The following CSMD1 variants were observed in gnomAD, a reference collection of about 807,000 sequenced individuals.
The protein encoded by CSMD1 is CUB and sushi domain-containing protein 1.
A neutral mutation model predicts 417.5 loss-of-function variants in CSMD1; 213 were observed. The ratio of observed to expected loss-of-function variants is 0.51; its 90% CI spans 0.46 to 0.57. CSMD1 has a LOEUF of 0.57. Ranked by LOEUF, CSMD1 falls within the 20% of genes least tolerant of loss-of-function variation. The probability of loss-of-function intolerance (pLI) is 0.00; values close to 1 mark genes in which losing one functional copy is unlikely to be tolerated. For synonymous variants in CSMD1, 2,862 were observed against 1,736.8 expected (o/e 1.65, Z -16.11); for missense variants, 6,923 against 4,529.7 (o/e 1.53, Z -15.17).
intron 3 of CSMD1, among the ~76,000 whole-genome samples, chr8:4,197,836 G>A (rs187936623): frequency 6.6e-6 from 1 of 152,280 alleles, no homozygotes; most frequent in Non-Finnish European, 1.5e-5. Context: ...CCAAGATAAT[G>A]CTACCACACT....
chr8:4,937,348 G>A (rs931217553), intron 1 of CSMD1, among the ~76,000 whole-genome samples: 2 of 152,180 alleles, frequency 1.3e-5, no homozygotes, highest in East Asian at 1.9e-4. Flanking sequence ...GTAAAATAGT[G>A]AAAGCACACC....
At chr8:4,294,557 G>A (rs901809652) in intron 3 of CSMD1, among the ~76,000 whole-genome samples, 2 of 152,070 alleles carry the variant, frequency 1.3e-5, no homozygotes, top group Non-Finnish European at 2.9e-5. Flanking sequence ...CTTGTCCATG[G>A]TGCCATGTTA....
At chr8:4,401,264 G>A (rs1804627149) in intron 3 of CSMD1, among the ~76,000 whole-genome samples, 1 of 152,076 alleles carries the variant, frequency 6.6e-6, no homozygotes, top group Non-Finnish European at 1.5e-5. Flanking sequence ...TTAGATATAT[G>A]TCTTGAAACC....
At chr8:4,180,451 T>C (rs1207821318) in intron 3 of CSMD1, among the ~76,000 whole-genome samples, 2 of 141,124 alleles carry the variant, frequency 1.4e-5, no homozygotes, top group Non-Finnish European at 1.5e-5. Context: ...GGGGGAGGGA[T>C]AGCATTAGGA....
chr8:4,755,510 T>A (rs1295403790), intron 1 of CSMD1, among the ~76,000 whole-genome samples: 1 of 152,196 alleles, frequency 6.6e-6, no homozygotes, highest in East Asian at 1.9e-4. Context: ...AAAATTGATG[T>A]TTCCTGCTTT....
intron 3 of CSMD1, among the ~76,000 whole-genome samples, chr8:4,142,235 T>G (rs73178335): frequency 0.3 from 45,255 of 150,978 alleles, 8,449 homozygotes; most frequent in Non-Finnish European, 0.39. Flanking sequence ...ATAGTGATAC[T>G]TAATTTACTA....
intron 49 of CSMD1, among the ~76,000 whole-genome samples, chr8:3,055,322 G>A (rs1186548770): frequency 2.6e-5 from 4 of 152,074 alleles, no homozygotes; most frequent in African/African-American, 7.2e-5. Context: ...ATCAACAACC[G>A]GGAATCTTTT....
chr8:4,332,471 A>C (rs1442885172), intron 3 of CSMD1, among the ~76,000 whole-genome samples: 3 of 151,822 alleles, frequency 2.0e-5, no homozygotes, highest in Non-Finnish European at 4.4e-5. Context: ...TGTCTCTCCA[A>C]CTGAGCACCT....
intron 1 of CSMD1, among the ~76,000 whole-genome samples, chr8:4,764,791 T>G (rs1812333903): frequency 1.4e-5 from 2 of 144,044 alleles, no homozygotes; most frequent in South Asian, 2.2e-4. Flanking sequence ...GAGAATGGTG[T>G]GAACCCAGGA....
chr8:3,397,738 C>G (rs1307248932), intron 16 of CSMD1, among the ~76,000 whole-genome samples: 1 of 152,168 alleles, frequency 6.6e-6, no homozygotes, highest in African/African-American at 2.4e-5. Context: ...ACAGTGAGGA[C>G]TGACAAAGTG....
At chr8:3,250,838 T>C (rs1039353479) in intron 26 of CSMD1, among the ~76,000 whole-genome samples, 7 of 152,240 alleles carry the variant, frequency 4.6e-5, no homozygotes, top group Admixed American at 6.5e-5. Flanking sequence ...TTTTCATGTG[T>C]CTGTTGGCTG....
chr8:3,138,313 C>T (rs184079535), intron 41 of CSMD1, among the ~76,000 whole-genome samples: 6,609 of 152,262 alleles, frequency 0.043, 182 homozygotes, highest in Non-Finnish European at 0.066. Flanking sequence ...GGGAACTCTA[C>T]TCCTGTAGAT....
At chr8:3,690,735 TGA>T (rs1466822262) in intron 7 of CSMD1, among the ~76,000 whole-genome samples, 1 of 152,222 alleles carries the variant, frequency 6.6e-6, no homozygotes, top group Non-Finnish European at 1.5e-5. Flanking sequence ...CAGTTTGTAC[TGA>T]GATACTCTTA....
intron 3 of CSMD1, among the ~76,000 whole-genome samples, chr8:4,215,212 A>G (rs1800591051): frequency 6.6e-6 from 1 of 152,122 alleles, no homozygotes; most frequent in African/African-American, 2.4e-5. Flanking sequence ...ACCAGCTGCG[A>G]CCTCTAGGTA....
At chr8:3,927,547 C>A (rs550650078) in intron 5 of CSMD1, among the ~76,000 whole-genome samples, 1 of 151,980 alleles carries the variant, frequency 6.6e-6, no homozygotes, top group Non-Finnish European at 1.5e-5. Flanking sequence ...TCACTGTAAT[C>A]CCAGCTACTA....
At chr8:4,787,596 CAATTGAATGGGTTTGCAGAAGAATAGCA>C (rs1159393413) in intron 1 of CSMD1, 1 of 1,540,094 alleles carries the variant, frequency 6.5e-7, no homozygotes, top group East Asian at 2.3e-5. Context: ...GAAATGATTC[CAATTGAATGGGTTTGCAGAAGAATAGCA>C]ACTGGTTCTT....
At chr8:4,400,283 G>C (rs1804558179) in intron 3 of CSMD1, among the ~76,000 whole-genome samples, 1 of 152,180 alleles carries the variant, frequency 6.6e-6, no homozygotes, top group Non-Finnish European at 1.5e-5. Context: ...AAATAAGTAA[G>C]ATACTAGCAA....
chr8:3,848,160 G>C (rs925535752), intron 5 of CSMD1, among the ~76,000 whole-genome samples: 6 of 152,002 alleles, frequency 3.9e-5, no homozygotes, highest in African/African-American at 1.2e-4. Flanking sequence ...TGGTGGATGA[G>C]AAGTTGGCAT....
At chr8:3,420,151 C>A (rs544154732) in intron 12 of CSMD1, among the ~76,000 whole-genome samples, 1 of 152,154 alleles carries the variant, frequency 6.6e-6, no homozygotes, top group African/African-American at 2.4e-5. Context: ...AAAAGCCAAG[C>A]TAAGTCCTCA....
Sources: allele counts gnomAD v4.1 joint callset (sites outside exome capture counted in the v4.1 genomes callset), GRCh38; gene constraint gnomAD v4.1.1; transcripts MANE v1.5; gene names NCBI Gene and HGNC (gene_info 2026-07-23, HGNC 2026-07-21).